Variants in LRRTM4 observed in about 807,000 individuals in gnomAD.
LRRTM4 encodes leucine rich repeat transmembrane neuronal 4, also known as leucine-rich repeat transmembrane neuronal protein 4.
LRRTM4 carries 25 observed loss-of-function variants against 47.6 expected under a neutral mutation model. That is an observed-to-expected ratio of 0.53 (90% CI 0.38 to 0.73). The LOEUF is 0.73. Ranked by LOEUF, LRRTM4 falls within the 30% of genes least tolerant of loss-of-function variation. The pLI, the probability that LRRTM4 is intolerant of heterozygous loss-of-function variation, is 0.00. For missense variants in LRRTM4, 638 were observed against 713.4 expected (o/e 0.89, Z 1.20); for synonymous variants, 311 against 269.5 (o/e 1.15, Z -1.51).
intron 3 of LRRTM4, among the ~76,000 whole-genome samples, chr2:77,293,413 A>G (rs1676883680): frequency 6.6e-6 from 1 of 152,164 alleles, no homozygotes; most frequent in South Asian, 2.1e-4. Context: ...GGGTAAATGA[A>G]CAAAGCGGAC....
Position 76,779,226 on chromosome 2 carries a change from A to G in LRRTM4, c.1552-30310T>C, listed in dbSNP as rs1161793909. On this transcript the variant is annotated intron_variant, in intron 3 of 3. Transcript: ENST00000409884. ...TAGGTGTGGTGTGGTGCTGAAAAAA[A>G]TGTATATTGTGTTGATTTGGGGTGG... 4.6e-5 allele frequency among the ~76,000 whole-genome samples: 7 copies of G among 152,192 alleles called. 1 individual carries two copies. Among genetic ancestry groups the G allele is most frequent in the Admixed American group, 2.0e-4 (3 of 15,280 alleles).
intron 3 of LRRTM4, among the ~76,000 whole-genome samples, chr2:76,881,235 T>C (rs1672920116): frequency 6.6e-6 from 1 of 152,142 alleles, no homozygotes; most frequent in African/African-American, 2.4e-5. Flanking sequence ...AAGTATCAGC[T>C]CAAACACAGA....
chr2:76,929,398 T>C (rs1021608603), intron 3 of LRRTM4, among the ~76,000 whole-genome samples: 4 of 152,162 alleles, frequency 2.6e-5, no homozygotes, highest in Admixed American at 2.6e-4. Flanking sequence ...ATTGAGAAGA[T>C]TCAACAGAGG....
At chr2:77,288,905 C>T (rs1470268823) in intron 3 of LRRTM4, among the ~76,000 whole-genome samples, 1 of 151,032 alleles carries the variant, frequency 6.6e-6, no homozygotes, top group African/African-American at 2.5e-5. Flanking sequence ...GCTATTACCA[C>T]ATTACTTGCT....
At chr2:77,418,881 T>A (rs1244283342) in intron 3 of LRRTM4, among the ~76,000 whole-genome samples, 1 of 152,176 alleles carries the variant, frequency 6.6e-6, no homozygotes, top group Non-Finnish European at 1.5e-5. Context: ...TTTACCTCCA[T>A]AGCATTTACA....
At chr2:76,878,322 A>G (rs916480504) in intron 3 of LRRTM4, among the ~76,000 whole-genome samples, 2 of 152,034 alleles carry the variant, frequency 1.3e-5, no homozygotes, top group African/African-American at 4.8e-5. Flanking sequence ...ATTCCCTGAG[A>G]GGCAACCATA....
intron 3 of LRRTM4, among the ~76,000 whole-genome samples, chr2:77,339,295 T>TA (rs1671282361): frequency 1.3e-5 from 2 of 152,204 alleles, no homozygotes; most frequent in South Asian, 2.1e-4. Context: ...ACTTAACGTA[T>TA]ATTTAAATTT....
intron 3 of LRRTM4, among the ~76,000 whole-genome samples, chr2:76,910,456 C>A (rs928575996): frequency 5.9e-5 from 9 of 151,942 alleles, no homozygotes; most frequent in Non-Finnish European, 1.2e-4. Context: ...TGAAACTAAC[C>A]TGCACATTGT....
chr2:77,033,155 G>A (rs964546162), intron 3 of LRRTM4, among the ~76,000 whole-genome samples: 1 of 151,922 alleles, frequency 6.6e-6, no homozygotes, highest in African/African-American at 2.4e-5. Flanking sequence ...GCTACAGAGA[G>A]AGAACAATAA....
At chr2:76,788,445 A>G (rs1573104442) in intron 3 of LRRTM4, among the ~76,000 whole-genome samples, 1 of 152,294 alleles carries the variant, frequency 6.6e-6, no homozygotes, top group East Asian at 1.9e-4. Context: ...ATAAGCTTTA[A>G]CACAAGGTCA....
At chr2:76,838,681 C>CT (rs1671587267) in intron 3 of LRRTM4, among the ~76,000 whole-genome samples, 1 of 151,914 alleles carries the variant, frequency 6.6e-6, no homozygotes. Flanking sequence ...TGAATCTCTC[C>CT]TGGAATAACA....
intron 3 of LRRTM4, among the ~76,000 whole-genome samples, chr2:76,877,454 A>G (rs1372041586): frequency 6.6e-6 from 1 of 152,000 alleles, no homozygotes; most frequent in Non-Finnish European, 1.5e-5. Flanking sequence ...GCACTTCACA[A>G]TTGCGTGGTA....
intron 3 of LRRTM4, among the ~76,000 whole-genome samples, chr2:76,795,549 GTATATGCATA>G (rs969678151): frequency 1.3e-5 from 2 of 150,834 alleles, no homozygotes; most frequent in African/African-American, 4.9e-5. Flanking sequence ...GCATATACAT[GTATATGCATA>G]TATACATGTG....
At chr2:76,973,634 A>G (rs374519821) in intron 3 of LRRTM4, among the ~76,000 whole-genome samples, 4 of 151,914 alleles carry the variant, frequency 2.6e-5, no homozygotes, top group African/African-American at 9.7e-5. Flanking sequence ...TATACTTTTG[A>G]CGGTATGCTC....
At chr2:77,338,726 C>T (rs1431052596) in intron 3 of LRRTM4, among the ~76,000 whole-genome samples, 1 of 151,964 alleles carries the variant, frequency 6.6e-6, no homozygotes. Flanking sequence ...AATTACCATT[C>T]GACTCAGCAA....
At chr2:76,948,825 T>C (rs1455948447) in intron 3 of LRRTM4, among the ~76,000 whole-genome samples, 4 of 151,856 alleles carry the variant, frequency 2.6e-5, no homozygotes, top group Non-Finnish European at 5.9e-5. Context: ...TACTCAATAA[T>C]GAAATTTGGG....
intron 3 of LRRTM4, among the ~76,000 whole-genome samples, chr2:76,905,091 G>T (rs1054674042): frequency 6.6e-6 from 1 of 152,124 alleles, no homozygotes; most frequent in African/African-American, 2.4e-5. Flanking sequence ...CTAACTAGGA[G>T]GCACCCCCCA....
At chr2:77,140,537 G>A (rs1324072186) in intron 3 of LRRTM4, among the ~76,000 whole-genome samples, 1 of 144,676 alleles carries the variant, frequency 6.9e-6, no homozygotes, top group African/African-American at 2.7e-5. Flanking sequence ...AGAAAACCTA[G>A]GCAATACCAT....
In LRRTM4 at chr2:76,841,678, A is replaced by AAAAT. The variant is rs1671687924; in HGVS notation, c.1552-92763_1552-92762insATTT. On this transcript the variant is annotated intron_variant, in intron 3 of 3. Transcript: ENST00000409884. ...GGTAACCTGGAGAAAAAAAAAAAAA[A>AAAAT]CTTTACTGTGTATATATATATAAAA... Among the ~76,000 whole-genome samples, 3 of 149,506 alleles carry AAAAT rather than the reference A, an allele frequency of 2.0e-5. No homozygotes were observed. The South Asian group carries it at 6.3e-4, about 31-fold the overall frequency.
Sources: gnomAD v4.1 joint callset for allele counts (sites outside exome capture counted in the v4.1 genomes callset) on GRCh38, gnomAD v4.1.1 for gene constraint, MANE v1.5 for transcripts, NCBI Gene and HGNC (gene_info 2026-07-23, HGNC 2026-07-21) for gene names.